The following DNMBP variants were observed in gnomAD, a reference collection of about 807,000 sequenced individuals.
The protein encoded by DNMBP is dynamin-binding protein.
A neutral mutation model predicts 150.0 loss-of-function variants in DNMBP; 87 were observed. That is an observed-to-expected ratio of 0.58 (90% confidence interval 0.49 to 0.69). The LOEUF (loss-of-function observed/expected upper bound fraction) is 0.69. DNMBP is among the 30% of genes least tolerant of loss of function. The pLI, the probability that DNMBP is intolerant of heterozygous loss-of-function variation, is 0.00. For missense variants in DNMBP, 1,774 were observed against 1,949.0 expected (o/e 0.91, Z 1.69); for synonymous variants, 711 against 750.4 (o/e 0.95, Z 0.86).
intron 1 of DNMBP, among the ~76,000 whole-genome samples, chr10:99,972,913 G>C (rs1376393253): frequency 5.3e-5 from 8 of 152,072 alleles, no homozygotes; most frequent in Admixed American, 5.2e-4. Context: ...TCCCAAGTAG[G>C]TAGGACTACA....
In DNMBP at chr10:99,997,927, C is replaced by CAAAAAA. The variant is rs71009798; in HGVS notation, c.-11+11905_-11+11910dup. On this transcript the variant is annotated intron_variant, in intron 1 of 16. Transcript: ENST00000324109. ...TGGGTGACAGAATGAGACTCTGTCT[C>CAAAAAA]AAAAAAAAAAAAAAAAAAAAAAAAA... Among the ~76,000 whole-genome samples the CAAAAAA allele has an allele frequency of 1.3e-3, 29 of 22,328 alleles. 3 individuals carry two copies. Among genetic ancestry groups the CAAAAAA allele is most frequent in the African/African-American group, 3.1e-3 (18 of 5,768 alleles). The allele number at this position is 22,328 out of a possible 152,430, so 14.6% of individuals were successfully genotyped here.
chr10:99,912,732 G>A (rs1315485107), intron 4 of DNMBP, among the ~76,000 whole-genome samples: 3 of 152,026 alleles, frequency 2.0e-5, no homozygotes, highest in Non-Finnish European at 4.4e-5. Flanking sequence ...TTGTTACCCA[G>A]ACTAGTTTCA....
At chr10:99,971,934 T>C (rs2040681737) in intron 2 of DNMBP, 46 bp downstream of exon 2, 6 of 1,573,266 alleles carry the variant, frequency 3.8e-6, no homozygotes, top group Non-Finnish European at 5.2e-6. Flanking sequence ...ATTTTTAATA[T>C]GGAAAGAAGT....
At chr10:99,910,140 C>A (rs1301245635) in intron 4 of DNMBP, among the ~76,000 whole-genome samples, 1 of 152,144 alleles carries the variant, frequency 6.6e-6, no homozygotes, top group Non-Finnish European at 1.5e-5. Context: ...CTATTTTAAC[C>A]CAGGTTTAAG....
chr10:99,955,066 A>G, intron 4 of DNMBP, 148 bp downstream of exon 4: 1 of 756,724 alleles, frequency 1.3e-6, no homozygotes, highest in Admixed American at 2.8e-5. Context: ...AAAGGAAAAA[A>G]AAAAAAAGAA....
chr10:99,930,964 T>G, intron 4 of DNMBP: 7 of 467,288 alleles, frequency 1.5e-5, no homozygotes, highest in East Asian at 3.4e-5. Context: ...ATCAGCGAGC[T>G]ACTCTATCTT....
Position 99,886,620 on chromosome 10 carries a change from C to T in DNMBP, c.3298G>A (p.Glu1100Lys), listed in dbSNP as rs1264733718. 6.2e-6 allele frequency: 10 copies of T among 1,612,472 alleles called. No homozygotes were observed. The highest frequency in any genetic ancestry group is 8.5e-6 in the Non-Finnish European group (10 of 1,178,924). The change falls in exon 13 of 17, where the codon GAG becomes AAG. Residue 1100 changes from glutamate to lysine, a missense_variant. Glu to Lys is a moderately conservative substitution (Grantham distance 56). Coordinates refer to ENST00000324109, the MANE Select transcript of DNMBP (RefSeq NM_015221.4). The stretch of plus-strand genomic sequence containing the variant: ...TTTAAGGGGGAGATGACAAGCCGCT[C>T]TGTCCTCTCCTTCTGTAGGGACGAG... ...QLFTNFKERT[E>K]RLVISPLNQL... is the part of the protein sequence containing the mutation.
chr10:99,983,014 G>A (rs1256416811), intron 1 of DNMBP, among the ~76,000 whole-genome samples: 1 of 151,782 alleles, frequency 6.6e-6, no homozygotes, highest in South Asian at 2.1e-4. Context: ...CTTCTGAAGG[G>A]GTTTCCTTAA....
intron 3 of DNMBP, among the ~76,000 whole-genome samples, chr10:99,961,273 T>G (rs1372515022): frequency 7.7e-5 from 10 of 130,582 alleles, no homozygotes; most frequent in Non-Finnish European, 1.3e-4. Context: ...TTTTCTTTTT[T>G]TTTTTTTTTT....
At position 99,997,927 on chromosome 10, in the gene DNMBP, C is replaced by CAAAAA. The variant is rs71009798; in HGVS notation, c.-11+11906_-11+11910dup. Among the ~76,000 whole-genome samples the CAAAAA allele has an allele frequency of 5.0e-3, 112 of 22,330 alleles. 25 individuals are homozygous for CAAAAA. The highest frequency in any genetic ancestry group is 0.016 in the African/African-American group (92 of 5,770). 14.6% of individuals were successfully genotyped at this position (22,330 alleles called of 152,430 possible). On this transcript the variant is annotated intron_variant, in intron 1 of 16. Transcript: ENST00000324109. ...TGGGTGACAGAATGAGACTCTGTCT[C>CAAAAA]AAAAAAAAAAAAAAAAAAAAAAAAA...
At chr10:99,904,013 C>T (rs1418479232) in intron 6 of DNMBP, among the ~76,000 whole-genome samples, 1 of 151,210 alleles carries the variant, frequency 6.6e-6, no homozygotes, top group African/African-American at 2.4e-5. Flanking sequence ...CACCTTGCCT[C>T]GGCCTCCCAA....
chr10:99,922,939 C>T lies in DNMBP; in HGVS notation c.2261-13793G>A, dbSNP rs532699528. 2.0e-5 allele frequency among the ~76,000 whole-genome samples: 3 copies of T among 152,122 alleles called. No individual in the cohort carries two copies. The South Asian group carries it at 6.2e-4, about 32-fold the overall frequency. On this transcript the variant is annotated intron_variant, in intron 4 of 16. Transcript: ENST00000324109. ...TCAAACATTTTCTCCTTTTCTTTTTCTTGACACTTTGAGGATCTTGTTGCA... is the reference window on the plus strand; with the variant it reads ...TCAAACATTTTCTCCTTTTCTTTTTTTTGACACTTTGAGGATCTTGTTGCA...
chr10:99,900,089 C>T (rs1159247086), intron 6 of DNMBP, 23 bp from the exon 7 acceptor site: 1 of 1,613,250 alleles, frequency 6.2e-7, no homozygotes, highest in Non-Finnish European at 8.5e-7. Context: ...CACAAACATA[C>T]AGTGTTTTTA....
At chr10:99,914,590 C>G (rs2039940330) in intron 4 of DNMBP, among the ~76,000 whole-genome samples, 1 of 152,180 alleles carries the variant, frequency 6.6e-6, no homozygotes, top group Non-Finnish European at 1.5e-5. Context: ...ACAGCAAGAA[C>G]AGGGATGGCA....
intron 11 of DNMBP, among the ~76,000 whole-genome samples, chr10:99,891,810 C>T (rs1353934748): frequency 9.3e-5 from 14 of 150,364 alleles, no homozygotes; most frequent in African/African-American, 2.5e-4. Context: ...ACGTGGGGAG[C>T]GCCTCTGCCC....
At chr10:99,913,178 G>A (rs1029099461) in intron 4 of DNMBP, among the ~76,000 whole-genome samples, 2 of 151,994 alleles carry the variant, frequency 1.3e-5, no homozygotes, top group African/African-American at 2.4e-5. Context: ...GGGAGAAGGC[G>A]GCCTTCACCC....
At chr10:99,933,393 G>C (rs561043505) in intron 4 of DNMBP, among the ~76,000 whole-genome samples, 33 of 152,302 alleles carry the variant, frequency 2.2e-4, no homozygotes, top group African/African-American at 5.8e-4. Context: ...GTATGTTTTT[G>C]AAGATTCACC....
chr10:99,901,848 C>T (rs1321100556), intron 6 of DNMBP, among the ~76,000 whole-genome samples: 2 of 152,166 alleles, frequency 1.3e-5, no homozygotes, highest in Non-Finnish European at 2.9e-5. Flanking sequence ...TCTGTGGACT[C>T]ACCTCTGTTC....
intron 4 of DNMBP, among the ~76,000 whole-genome samples, chr10:99,913,571 G>C (rs1394542602): frequency 6.6e-6 from 1 of 152,140 alleles, no homozygotes; most frequent in East Asian, 1.9e-4. Context: ...AGCTGGGACT[G>C]TTGCACAAAT....
Sources: allele counts gnomAD v4.1 joint callset (sites outside exome capture counted in the v4.1 genomes callset), GRCh38; gene constraint gnomAD v4.1.1; transcripts MANE v1.5; gene names NCBI Gene and HGNC (gene_info 2026-07-23, HGNC 2026-07-21).